KCNQ1OT1: variants seen among roughly 807,000 people sequenced by gnomAD.
KCNQ1OT1 encodes the protein KCNQ1 opposite strand/antisense transcript 1, also known as KCNQ1 antisense RNA 2 (non-protein coding).
At chr11:2,692,604 T>G (rs778218265) in exon 1 of KCNQ1OT1, 2 of 398,604 alleles carry the variant, frequency 5.0e-6, no homozygotes, top group Middle Eastern at 6.2e-4. Flanking sequence ...TTCCAGTGGG[T>G]TCCTGCTATA....
At position 2,617,677 on chromosome 11, in the gene KCNQ1OT1, C is replaced by T. The variant is rs878983279; in HGVS notation, n.82318G>A. The T allele has an allele frequency of 1.8e-5, 7 of 398,376 alleles. No homozygotes were observed. The highest frequency in any genetic ancestry group is 1.3e-4 in the Admixed American group (3 of 22,706). 24.7% of individuals were successfully genotyped at this position (398,376 alleles called of 1,614,324 possible). ...TGACTGCACCAATCTACAGTCCCAC[C>T]AACACTGTACAAGAGTTCCCTAACC... On this transcript the variant is annotated non_coding_transcript_exon_variant, in exon 1 of 1. Transcript: ENST00000597346. The surrounding 1 kb of genome is among the most constrained non-coding windows in gnomAD (Gnocchi z 4.6).
In KCNQ1OT1 at chr11:2,674,462, G is replaced by T. The variant is rs1180008934; in HGVS notation, n.25533C>A. ...TGGGGGGAGGCACGTGGGGAGGAGG[G>T]CTGCCTGTCGAGATGTGTAAGATGG... On this transcript the variant is annotated non_coding_transcript_exon_variant, in exon 1 of 1. Transcript: ENST00000597346. This position sits in a 1 kb window ranked among gnomAD's most constrained non-coding sequence, Gnocchi z 5.9. The T allele has an allele frequency of 1.0e-5, 4 of 398,544 alleles. No individual in the cohort carries two copies. The highest frequency in any genetic ancestry group is 1.8e-5 in the Non-Finnish European group (4 of 226,134). 24.7% of individuals were successfully genotyped at this position (398,544 alleles called of 1,614,324 possible). A position where few individuals can be genotyped will look rare whatever the true frequency, so the allele number is the denominator to read the frequency against.
exon 1 of KCNQ1OT1, chr11:2,692,942 G>C (rs555877260): frequency 2.5e-6 from 1 of 398,660 alleles, no homozygotes; most frequent in African/African-American, 2.1e-5. Context: ...AGGTTGTCCT[G>C]CCCATACGCT....
rs1362154823 is a variant in KCNQ1OT1 at position 2,670,200 on chromosome 11, G to C, written n.29795C>G. ...CACCCACATTAAAGCAGAGTGAAGA[G>C]CAGGGCGAGCTGTGTAGCTCACCTG... On this transcript the variant is annotated non_coding_transcript_exon_variant, in exon 1 of 1. Transcript: ENST00000597346. This position sits in a 1 kb window ranked among gnomAD's most constrained non-coding sequence, Gnocchi z 4.9. 1.3e-5 allele frequency: 5 copies of C among 398,642 alleles called. No homozygotes were observed. The East Asian group carries it at 1.8e-4, about 14-fold the overall frequency. 24.7% of individuals were successfully genotyped at this position (398,642 alleles called of 1,614,324 possible). A position where few individuals can be genotyped will look rare whatever the true frequency, so the allele number is the denominator to read the frequency against.
At chr11:2,640,740 A>G (rs1418301979) in exon 1 of KCNQ1OT1, 2 of 398,572 alleles carry the variant, frequency 5.0e-6, no homozygotes, top group Non-Finnish European at 8.8e-6. Flanking sequence ...ATTGTTAAAT[A>G]TAGTCAACCA....
In KCNQ1OT1 at chr11:2,695,540, C is replaced by T. The variant is rs1284817542; in HGVS notation, n.4455G>A. 5.0e-6 allele frequency: 2 copies of T among 398,564 alleles called. No individual in the cohort carries two copies. The highest frequency in any genetic ancestry group is 4.4e-5 in the Admixed American group (1 of 22,712). 24.7% of individuals were successfully genotyped at this position (398,564 alleles called of 1,614,324 possible). A position where few individuals can be genotyped will look rare whatever the true frequency, so the allele number is the denominator to read the frequency against. On this transcript the variant is annotated non_coding_transcript_exon_variant, in exon 1 of 1. Transcript: ENST00000597346. The surrounding 1 kb of genome is among the most constrained non-coding windows in gnomAD (Gnocchi z 5.2). ...CAGTGACCAGCTCCAACTGCCCACCCCTATGGGCCATGCTGCCCTGAGCAT... is the reference window on the plus strand; with the variant it reads ...CAGTGACCAGCTCCAACTGCCCACCTCTATGGGCCATGCTGCCCTGAGCAT...
chr11:2,665,685 A>T (rs952138681), exon 1 of KCNQ1OT1: 2 of 398,180 alleles, frequency 5.0e-6, no homozygotes, highest in Non-Finnish European at 8.8e-6. Flanking sequence ...GAATGGTGCC[A>T]GGAGGGAGAA....
chr11:2,616,698 G>T, exon 1 of KCNQ1OT1: 1 of 398,002 alleles, frequency 2.5e-6, no homozygotes, highest in Non-Finnish European at 4.4e-6. Context: ...TAATTTTTAG[G>T]TTTTTCTTCT....
exon 1 of KCNQ1OT1, chr11:2,625,530 TC>T (rs1044199859): frequency 2.8e-5 from 11 of 398,288 alleles, no homozygotes; most frequent in African/African-American, 2.3e-4. Flanking sequence ...CGTACTATTA[TC>T]CATTTGTATA....
At position 2,690,620 on chromosome 11, in the gene KCNQ1OT1, C is replaced by T. The variant is rs767161380; in HGVS notation, n.9375G>A. The T allele has an allele frequency of 4.6e-4, 183 of 398,632 alleles. No individual in the cohort carries two copies. The highest frequency in any genetic ancestry group is 1.9e-3 in the Middle Eastern group (3 of 1,588). 24.7% of individuals were successfully genotyped at this position (398,632 alleles called of 1,614,324 possible). The stretch of plus-strand genomic sequence containing the variant: ...AGTGGGGCACACATATGTGCATGTT[C>T]ATATATGTGTCAGAATGCGTATTTG... On this transcript the variant is annotated non_coding_transcript_exon_variant, in exon 1 of 1. Coordinates refer to ENST00000597346, the Ensembl canonical transcript of KCNQ1OT1. This position sits in a 1 kb window ranked among gnomAD's most constrained non-coding sequence, Gnocchi z 5.1.
At chr11:2,631,182 C>G in exon 1 of KCNQ1OT1, 1 of 398,534 alleles carries the variant, frequency 2.5e-6, no homozygotes, top group Non-Finnish European at 4.4e-6. Context: ...ACTTTCTACC[C>G]TTTACCTCTC....
chr11:2,686,233 T>C, exon 1 of KCNQ1OT1: 2 of 398,780 alleles, frequency 5.0e-6, no homozygotes, highest in Non-Finnish European at 8.8e-6. Context: ...CCTTTAGGCC[T>C]TGGGATAGCA....
rs1049914476 is a variant in KCNQ1OT1 at position 2,682,253 on chromosome 11, G to A, written n.17742C>T. The A allele has an allele frequency of 5.0e-6, 2 of 398,548 alleles. No individual in the cohort carries two copies. The highest frequency in any genetic ancestry group is 8.8e-6 in the Non-Finnish European group (2 of 226,066). 24.7% of individuals were successfully genotyped at this position (398,548 alleles called of 1,614,324 possible). ...GCTGAAATGTCCCTTCCTCAGAGGA[G>A]CCAATTTCTAAAGCTTAAGACTGGG... On this transcript the variant is annotated non_coding_transcript_exon_variant, in exon 1 of 1. Transcript: ENST00000597346. The surrounding 1 kb of genome is among the most constrained non-coding windows in gnomAD (Gnocchi z 5.8).
chr11:2,686,875 G>T (rs539845697), exon 1 of KCNQ1OT1: 6 of 398,638 alleles, frequency 1.5e-5, no homozygotes, highest in African/African-American at 1.0e-4. Flanking sequence ...GTTTGTGTCT[G>T]CCCAGTGACC....
Position 2,653,191 on chromosome 11 carries a change from G to A in KCNQ1OT1, n.46804C>T. 1 of 398,750 alleles carries A rather than the reference G, an allele frequency of 2.5e-6. No individual in the cohort carries two copies. The highest frequency in any genetic ancestry group is 4.4e-6 in the Non-Finnish European group (1 of 226,138). 24.7% of individuals were successfully genotyped at this position (398,750 alleles called of 1,614,324 possible). A position where few individuals can be genotyped will look rare whatever the true frequency, so the allele number is the denominator to read the frequency against. On this transcript the variant is annotated non_coding_transcript_exon_variant, in exon 1 of 1. Coordinates refer to ENST00000597346, the Ensembl canonical transcript of KCNQ1OT1. This position sits in a 1 kb window ranked among gnomAD's most constrained non-coding sequence, Gnocchi z 5.3. The stretch of plus-strand genomic sequence containing the variant: ...AAATCCCTTTCCAAGAGTTCCCTGT[G>A]CTGTTGCAGGGCTAGGGCCAGGGCC...
chr11:2,659,046 ATTTG>A lies in KCNQ1OT1; in HGVS notation n.40945_40948del. ...CCTCCTTTCCTTTCACTGCTATGTC[ATTTG>A]TTTGTAACACGCTCATCATAGTCTG... On this transcript the variant is annotated non_coding_transcript_exon_variant, in exon 1 of 1. Transcript: ENST00000597346. The surrounding 1 kb of genome is among the most constrained non-coding windows in gnomAD (Gnocchi z 4.3). The A allele has an allele frequency of 5.0e-6, 2 of 398,518 alleles. No individual in the cohort carries two copies. Among genetic ancestry groups the A allele is most frequent in the Non-Finnish European group, 8.8e-6 (2 of 226,048 alleles). 24.7% of individuals were successfully genotyped at this position (398,518 alleles called of 1,614,324 possible).
chr11:2,682,741 C>G lies in KCNQ1OT1; in HGVS notation n.17254G>C. On this transcript the variant is annotated non_coding_transcript_exon_variant, in exon 1 of 1. Coordinates refer to ENST00000597346, the Ensembl canonical transcript of KCNQ1OT1. This position sits in a 1 kb window ranked among gnomAD's most constrained non-coding sequence, Gnocchi z 5.8. ...CATAAAGAATCTCTTCCCCTTGAGC[C>G]CACTCATCTCTGTTGACATTCTAGA... The G allele has an allele frequency of 2.5e-6, 1 of 398,652 alleles. No homozygotes were observed. The highest frequency in any genetic ancestry group is 4.4e-6 in the Non-Finnish European group (1 of 226,102). The allele number at this position is 398,652 out of a possible 1,614,324, so 24.7% of individuals were successfully genotyped here.
exon 1 of KCNQ1OT1, chr11:2,633,717 G>T (rs1328137020): frequency 5.0e-6 from 2 of 398,234 alleles, no homozygotes; most frequent in South Asian, 1.3e-4. Context: ...CTGTTCCATT[G>T]GTCTATATGT....
At chr11:2,646,399 T>C (rs1450501745) in exon 1 of KCNQ1OT1, 3 of 398,538 alleles carry the variant, frequency 7.5e-6, no homozygotes, top group Non-Finnish European at 1.3e-5. Context: ...TTTATAGTTT[T>C]CATTGTGGAA....
Sources: allele counts gnomAD v4.1 joint callset, GRCh38; gene constraint gnomAD v4.1.1; non-coding constraint Gnocchi (gnomAD v3.1); transcripts MANE v1.5; gene names NCBI Gene and HGNC (gene_info 2026-07-23, HGNC 2026-07-21).